WRN: variants seen among roughly 807,000 people sequenced by gnomAD.
WRN encodes the protein WRN RecQ like helicase.
A neutral mutation model predicts 180.7 loss-of-function variants in WRN; 149 were observed. That is an observed-to-expected ratio of 0.82 (90% CI 0.72 to 0.94). The LOEUF (loss-of-function observed/expected upper bound fraction) is 0.94. Ranked by LOEUF, WRN falls within the 40% of genes least tolerant of loss-of-function variation. The pLI is 0.00. For missense variants in WRN, 1,661 were observed against 1,700.1 expected, an observed-to-expected ratio of 0.98 and a Z score of 0.40; for synonymous variants, 548 against 568.9, an observed-to-expected ratio of 0.96 and a Z score of 0.52.
At chr8:31,045,238 ATGATGTTT>A (rs1241119667) in intron 1 of WRN, among the ~76,000 whole-genome samples, 2 of 152,182 alleles carry the variant, frequency 1.3e-5, no homozygotes, top group Admixed American at 1.3e-4. Context: ...GGTGTACAAC[ATGATGTTT>A]TGATACACAT....
At chr8:31,069,904 A>G (rs1479554416) in intron 7 of WRN, among the ~76,000 whole-genome samples, 1 of 152,158 alleles carries the variant, frequency 6.6e-6, no homozygotes, top group African/African-American at 2.4e-5. Flanking sequence ...ATTTTGTTAC[A>G]TGTGCAATTT....
intron 24 of WRN, among the ~76,000 whole-genome samples, chr8:31,139,063 A>G (rs1256818417): frequency 6.6e-6 from 1 of 152,198 alleles, no homozygotes; most frequent in Non-Finnish European, 1.5e-5. Flanking sequence ...AAAACAATGT[A>G]TCTTTACATT....
Position 31,123,698 on chromosome 8 carries a change from C to T in WRN, c.2631-824C>T, listed in dbSNP as rs11574318. Among the ~76,000 whole-genome samples the T allele has an allele frequency of 3.4e-3, 518 of 152,118 alleles. 1 individual carries two copies. The highest frequency in any genetic ancestry group is 6.8e-3 in the Middle Eastern group (2 of 294). On this transcript the variant is annotated intron_variant, in intron 21 of 34. Coordinates refer to ENST00000298139, the MANE Select transcript of WRN (RefSeq NM_000553.6). The stretch of plus-strand genomic sequence containing the variant: ...TGTCCCTTAGATATTATAAGTAAAT[C>T]GTTGTTTTCTTTTGAAATATCTGAA...
At chr8:31,064,235 G>T in intron 3 of WRN, 54 bp from the exon 4 acceptor site, 1 of 1,602,936 alleles carries the variant, frequency 6.2e-7, no homozygotes. Flanking sequence ...CTTTAGTTAT[G>T]CAGAAGTTTA....
At chr8:31,150,480 C>T (rs765347454) in intron 31 of WRN, 25 bp downstream of exon 31, 6 of 1,599,700 alleles carry the variant, frequency 3.8e-6, no homozygotes, top group Admixed American at 3.3e-5. Context: ...TTTGCAGGAG[C>T]TCTTAGAGAA....
intron 32 of WRN, among the ~76,000 whole-genome samples, chr8:31,156,495 A>G (rs1803390235): frequency 6.6e-6 from 1 of 152,234 alleles, no homozygotes; most frequent in South Asian, 2.1e-4. Context: ...TTATGCACAC[A>G]TGGTGCACAC....
chr8:31,096,883 T>A, intron 17 of WRN, 33 bp downstream of exon 17: 1 of 1,568,150 alleles, frequency 6.4e-7, no homozygotes, highest in Non-Finnish European at 8.8e-7. Context: ...TGTAAATACT[T>A]ACTGAGTTAA....
At chr8:31,035,728 T>G (rs1563315117) in intron 1 of WRN, among the ~76,000 whole-genome samples, 1 of 152,212 alleles carries the variant, frequency 6.6e-6, no homozygotes, top group Non-Finnish European at 1.5e-5. Context: ...AATTCTTTTT[T>G]AAACAGCTTT....
At chr8:31,051,445 T>C (rs976891691) in intron 1 of WRN, among the ~76,000 whole-genome samples, 7 of 152,208 alleles carry the variant, frequency 4.6e-5, no homozygotes, top group African/African-American at 1.7e-4. Flanking sequence ...TTAATTTTTC[T>C]AAATTCGTTC....
chr8:31,128,172 A>G (rs1291686435), intron 23 of WRN, among the ~76,000 whole-genome samples: 1 of 152,178 alleles, frequency 6.6e-6, no homozygotes, highest in Non-Finnish European at 1.5e-5. Flanking sequence ...CCACCATCAA[A>G]GTGGGAGAAT....
intron 1 of WRN, among the ~76,000 whole-genome samples, chr8:31,040,365 G>C (rs1811603921): frequency 6.6e-6 from 1 of 152,160 alleles, no homozygotes; most frequent in African/African-American, 2.4e-5. Context: ...TAATTTAAAA[G>C]CCAGCAGACT....
intron 33 of WRN, among the ~76,000 whole-genome samples, chr8:31,166,335 A>G (rs1247831470): frequency 6.6e-6 from 1 of 152,156 alleles, no homozygotes; most frequent in Non-Finnish European, 1.5e-5. Context: ...GAAGTGCTGA[A>G]ACATAATTAT....
Position 31,175,609 on chromosome 8 carries a change from T to G in WRN, c.*2507T>G, listed in dbSNP as rs1253883242. Among the ~76,000 whole-genome samples the G allele has an allele frequency of 6.6e-6, 1 of 152,240 alleles. No homozygotes were observed. Among genetic ancestry groups the G allele is most frequent in the African/African-American group, 2.4e-5 (1 of 41,464 alleles). On this transcript the variant is annotated 3_prime_UTR_variant, in exon 35 of 35. Transcript: ENST00000298139. ...ATTACTTGTCCACTTTTTGGTAAAATTTCAGAGAACAATGTCCACCATTAT... is the reference window on the plus strand; with the variant it reads ...ATTACTTGTCCACTTTTTGGTAAAAGTTCAGAGAACAATGTCCACCATTAT...
chr8:31,138,692 T>C (rs1187765117), intron 24 of WRN, among the ~76,000 whole-genome samples: 1 of 152,232 alleles, frequency 6.6e-6, no homozygotes, highest in African/African-American at 2.4e-5. Flanking sequence ...GTTCTGATCA[T>C]ATTTTAATAA....
chr8:31,119,767 T>C (rs1259827347), intron 20 of WRN, among the ~76,000 whole-genome samples: 2 of 152,050 alleles, frequency 1.3e-5, no homozygotes, highest in African/African-American at 4.8e-5. Context: ...TACCTCAGTA[T>C]ATTCATAGAT....
At position 31,111,634 on chromosome 8, in the gene WRN, C is replaced by G. The variant is rs201384942; in HGVS notation, c.2108C>G (p.Thr703Ser). The change falls in exon 19 of 35, where the codon ACT (threonine) becomes AGT (serine). Residue 703 changes from threonine (T) to serine (S), a missense_variant. Thr to Ser is a moderately conservative substitution (Grantham distance 58). Transcript: ENST00000298139. ...ATTCAGGTTCCAATCGTTGCACTTA[C>G]TGCTACTGCAAGTTCTTCAATCCGG... ...ALPMVPIVAL[T>S]ATASSSIRED... 70 of 1,613,922 alleles carry G rather than the reference C, an allele frequency of 4.3e-5. No individual in the cohort carries two copies. Among genetic ancestry groups the G allele is most frequent in the Middle Eastern group, 1.6e-4 (1 of 6,076 alleles).
intron 7 of WRN, among the ~76,000 whole-genome samples, chr8:31,073,055 T>G (rs1812969645): frequency 6.6e-6 from 1 of 152,208 alleles, no homozygotes; most frequent in Non-Finnish European, 1.5e-5. Flanking sequence ...CTGACTTCAT[T>G]TCTTATTAAT....
intron 19 of WRN, among the ~76,000 whole-genome samples, chr8:31,113,673 G>A (rs551445417): frequency 4.9e-4 from 74 of 152,164 alleles, no homozygotes; most frequent in Non-Finnish European, 7.8e-4. Context: ...AAAGCAGTTT[G>A]CCTTTTTTGT....
intron 1 of WRN, among the ~76,000 whole-genome samples, chr8:31,057,945 G>T (rs2129998051): frequency 6.6e-6 from 1 of 152,244 alleles, no homozygotes; most frequent in African/African-American, 2.4e-5. Flanking sequence ...CCTTAATATA[G>T]AAGAGCTATT....
Sources: gnomAD v4.1 joint callset for allele counts (sites outside exome capture counted in the v4.1 genomes callset) on GRCh38, gnomAD v4.1.1 for gene constraint, MANE v1.5 for transcripts, NCBI Gene and HGNC (gene_info 2026-07-23, HGNC 2026-07-21) for gene names.